DRC11: variants seen among roughly 807,000 people sequenced by gnomAD.
The protein encoded by DRC11 is IQ and AAA domain-containing protein 1.
chr2:236,324,599 C>A, the DRC11 span: 9 of 758,346 alleles, frequency 1.2e-5, no homozygotes, highest in African/African-American at 1.4e-4. This position sits in a 1 kb window ranked among gnomAD's most constrained non-coding sequence, Gnocchi z 5.7. Context: ...TTTTCTTTGG[C>A]GAGTTGGGGT....
the DRC11 span, among the ~76,000 whole-genome samples, chr2:236,439,344 A>G: frequency 5.3e-5 from 8 of 152,192 alleles, no homozygotes; most frequent in Admixed American, 5.2e-4. Flanking sequence ...GTTTTTTAAA[A>G]AAACTTTTGG....
At chr2:236,372,209 T>C in the DRC11 span, among the ~76,000 whole-genome samples, 1 of 152,212 alleles carries the variant, frequency 6.6e-6, no homozygotes, top group East Asian at 1.9e-4. This position sits in a 1 kb window ranked among gnomAD's most constrained non-coding sequence, Gnocchi z 4.5. Context: ...GACATCATTC[T>C]ATCTATAGCA....
At chr2:236,462,744 G>A in the DRC11 span, among the ~76,000 whole-genome samples, 328 of 152,234 alleles carry the variant, frequency 2.2e-3, 1 homozygote, top group African/African-American at 7.2e-3. This position sits in a 1 kb window ranked among gnomAD's most constrained non-coding sequence, Gnocchi z 6.4. Context: ...TGCCCCAGCC[G>A]ACAGCTGTTG....
At chr2:236,357,909 A>G in the DRC11 span, among the ~76,000 whole-genome samples, 19,870 of 119,510 alleles carry the variant, frequency 0.17, 1,967 homozygotes, top group Non-Finnish European at 0.22. Context: ...ATATATAAAT[A>G]TACATATACT....
chr2:236,326,611 A>G, the DRC11 span, among the ~76,000 whole-genome samples: 1 of 151,322 alleles, frequency 6.6e-6, no homozygotes, highest in Non-Finnish European at 1.5e-5. Context: ...TTTTTGTAAT[A>G]TTTTTTCATA....
At chr2:236,333,631 G>C in the DRC11 span, among the ~76,000 whole-genome samples, 1 of 152,152 alleles carries the variant, frequency 6.6e-6, no homozygotes, top group Non-Finnish European at 1.5e-5. This position sits in a 1 kb window ranked among gnomAD's most constrained non-coding sequence, Gnocchi z 6.0. Flanking sequence ...CAAAATTCCT[G>C]CCGTGGTGCA....
At chr2:236,393,954 A>G in the DRC11 span, among the ~76,000 whole-genome samples, 1 of 152,164 alleles carries the variant, frequency 6.6e-6, no homozygotes, top group Admixed American at 6.5e-5. The surrounding 1 kb of genome is among the most constrained non-coding windows in gnomAD (Gnocchi z 4.7). Context: ...CCCCTTCCTC[A>G]CGCTGATATG....
chr2:236,357,520 T>TTA, the DRC11 span, among the ~76,000 whole-genome samples: 96 of 125,270 alleles, frequency 7.7e-4, no homozygotes, highest in Non-Finnish European at 1.0e-3. Flanking sequence ...ATAAATATAT[T>TTA]TATATATTAT....
At chr2:236,380,425 A>G in the DRC11 span, 2 of 610,764 alleles carry the variant, frequency 3.3e-6, no homozygotes, top group South Asian at 2.4e-5. The surrounding 1 kb of genome is among the most constrained non-coding windows in gnomAD (Gnocchi z 4.9). Context: ...TGGGATTTGT[A>G]GGGACTTAGA....
the DRC11 span, among the ~76,000 whole-genome samples, chr2:236,498,285 G>A: frequency 1.1e-4 from 16 of 149,406 alleles, no homozygotes; most frequent in East Asian, 2.4e-3. Flanking sequence ...GGCCAACCCC[G>A]TCTCTACTAA....
At chr2:236,468,966 T>C in the DRC11 span, among the ~76,000 whole-genome samples, 1 of 152,212 alleles carries the variant, frequency 6.6e-6, no homozygotes, top group African/African-American at 2.4e-5. Context: ...TTTACCTGAG[T>C]CTTTTCTCCT....
the DRC11 span, among the ~76,000 whole-genome samples, chr2:236,315,621 A>T: frequency 2.8e-4 from 42 of 152,354 alleles, no homozygotes; most frequent in African/African-American, 9.6e-4. This position sits in a 1 kb window ranked among gnomAD's most constrained non-coding sequence, Gnocchi z 5.1. Flanking sequence ...CATCAATAAT[A>T]GATTGGATAA....
At chr2:236,482,933 G>A in the DRC11 span, among the ~76,000 whole-genome samples, 1 of 152,140 alleles carries the variant, frequency 6.6e-6, no homozygotes, top group African/African-American at 2.4e-5. This position sits in a 1 kb window ranked among gnomAD's most constrained non-coding sequence, Gnocchi z 4.5. Flanking sequence ...CTATTTTTCA[G>A]TGTGCCATTA....
At chr2:236,442,209 AATAAAT>A in the DRC11 span, among the ~76,000 whole-genome samples, 1 of 152,244 alleles carries the variant, frequency 6.6e-6, no homozygotes, top group African/African-American at 2.4e-5. Context: ...TTTTATGGAT[AATAAAT>A]ATATTTTCCA....
chr2:236,331,366 C>G, the DRC11 span: 1 of 1,609,966 alleles, frequency 6.2e-7, no homozygotes, highest in South Asian at 1.1e-5. The surrounding 1 kb of genome is among the most constrained non-coding windows in gnomAD (Gnocchi z 4.8). Flanking sequence ...TACCTTAAAG[C>G]TCTCTTCTTC....
At chr2:236,369,304 G>C in the DRC11 span, among the ~76,000 whole-genome samples, 1 of 152,214 alleles carries the variant, frequency 6.6e-6, no homozygotes, top group African/African-American at 2.4e-5. The surrounding 1 kb of genome is among the most constrained non-coding windows in gnomAD (Gnocchi z 4.5). Context: ...CCGCTGTTTT[G>C]TTGTGGGGCA....
the DRC11 span, among the ~76,000 whole-genome samples, chr2:236,375,774 T>C: frequency 1.3e-5 from 2 of 152,188 alleles, no homozygotes; most frequent in East Asian, 1.9e-4. This position sits in a 1 kb window ranked among gnomAD's most constrained non-coding sequence, Gnocchi z 4.2. Flanking sequence ...AAAGAATCCA[T>C]GTGTCTACAC....
chr2:236,493,829 T>C, the DRC11 span: 2 of 1,608,408 alleles, frequency 1.2e-6, no homozygotes, highest in Non-Finnish European at 8.5e-7. Context: ...CTCTCTTCCT[T>C]TTATTACTTC....
the DRC11 span, among the ~76,000 whole-genome samples, chr2:236,310,937 T>C: frequency 1.3e-5 from 2 of 152,200 alleles, no homozygotes; most frequent in South Asian, 2.1e-4. This position sits in a 1 kb window ranked among gnomAD's most constrained non-coding sequence, Gnocchi z 5.5. Context: ...TTCTAGCCAA[T>C]TGGGAAAGTT....
Sources: gnomAD v4.1 joint callset for allele counts (sites outside exome capture counted in the v4.1 genomes callset) on GRCh38, gnomAD v4.1.1 for gene constraint, Gnocchi (gnomAD v3.1) non-coding constraint, MANE v1.5 for transcripts, NCBI Gene and HGNC (gene_info 2026-07-23, HGNC 2026-07-21) for gene names.